TMEM232: variants seen among roughly 807,000 people sequenced by gnomAD.
The protein encoded by TMEM232 is transmembrane protein 232.
TMEM232 carries 80 observed loss-of-function variants against 78.8 expected under a neutral mutation model. The observed-to-expected ratio is 1.01, with a 90% CI of 0.85 to 1.22. The LOEUF (loss-of-function observed/expected upper bound fraction) is 1.22, where lower values mean the gene tolerates loss of function less well. TMEM232 is among the 50% of genes most tolerant of loss of function. The probability of loss-of-function intolerance (pLI) is 0.00; values close to 1 mark genes in which losing one functional copy is unlikely to be tolerated. For synonymous variants in TMEM232, 297 were observed against 254.3 expected, an observed-to-expected ratio of 1.17 and a Z score of -1.60; for missense variants, 881 against 742.2, an observed-to-expected ratio of 1.19 and a Z score of -2.17.
intron 12 of TMEM232, among the ~76,000 whole-genome samples, chr5:110,508,808 T>A (rs549175681): frequency 1.4e-5 from 2 of 147,580 alleles, no homozygotes; most frequent in South Asian, 4.2e-4. Flanking sequence ...GATAAACTGA[T>A]TGAGGAAATA....
At chr5:110,714,850 A>T (rs566142665) in intron 1 of TMEM232, among the ~76,000 whole-genome samples, 1 of 152,312 alleles carries the variant, frequency 6.6e-6, no homozygotes, top group African/African-American at 2.4e-5. Context: ...GAGAAAAAGG[A>T]CTGACCTATA....
rs146007205 is a variant in TMEM232 at position 110,584,489 on chromosome 5, G to A, written c.1277-15864C>T. 3.1e-3 allele frequency among the ~76,000 whole-genome samples: 474 copies of A among 152,152 alleles called. 1 individual carries two copies. Among genetic ancestry groups the A allele is most frequent in the African/African-American group, 0.011 (458 of 41,546 alleles). On this transcript the variant is annotated intron_variant, in intron 10 of 13. Transcript: ENST00000455884. Reference sequence around the variant, plus strand: ...AAAGAATAGAATGGCAGTTACCAGAGGTTGGTGGAGGCAATAAGAGAATTG... The same window carrying A: ...AAAGAATAGAATGGCAGTTACCAGAAGTTGGTGGAGGCAATAAGAGAATTG...
At chr5:110,472,250 G>A (rs1246947244) in intron 12 of TMEM232, among the ~76,000 whole-genome samples, 1 of 151,614 alleles carries the variant, frequency 6.6e-6, no homozygotes, top group East Asian at 1.9e-4. Context: ...ACATGCTAAT[G>A]ATGAACTATC....
intron 2 of TMEM232, among the ~76,000 whole-genome samples, chr5:110,658,490 C>A (rs2150091589): frequency 6.6e-6 from 1 of 152,212 alleles, no homozygotes; most frequent in South Asian, 2.1e-4. Context: ...GGACTGTTGA[C>A]ACCCACTGAA....
chr5:110,523,089 A>G (rs1282030194), intron 12 of TMEM232, among the ~76,000 whole-genome samples: 2 of 152,220 alleles, frequency 1.3e-5, no homozygotes, highest in African/African-American at 2.4e-5. Context: ...CATAGTAGTT[A>G]TAAGTATGTT....
chr5:110,489,105 T>C (rs769552401), intron 12 of TMEM232, among the ~76,000 whole-genome samples: 30 of 152,008 alleles, frequency 2.0e-4, no homozygotes, highest in Non-Finnish European at 3.8e-4. Context: ...AGAATGGCTT[T>C]ATGAGTAAAT....
chr5:110,694,589 AAAATAAAGG>A (rs2150240819), intron 1 of TMEM232, among the ~76,000 whole-genome samples: 1 of 152,312 alleles, frequency 6.6e-6, no homozygotes, highest in East Asian at 1.9e-4. Flanking sequence ...ACATAGGCTC[AAAATAAAGG>A]GATGGAGGAA....
At chr5:110,656,580 C>A (rs181230174) in intron 2 of TMEM232, among the ~76,000 whole-genome samples, 12 of 152,324 alleles carry the variant, frequency 7.9e-5, no homozygotes, top group African/African-American at 2.2e-4. Flanking sequence ...TGGCTCACGC[C>A]TATAATCCCA....
At position 110,684,286 on chromosome 5, in the gene TMEM232, T is replaced by C. The variant is rs572619427; in HGVS notation, c.-12-16922A>G. Among the ~76,000 whole-genome samples the C allele has an allele frequency of 3.3e-5, 5 of 152,150 alleles. No homozygotes were observed. In the South Asian group the frequency reaches 1.0e-3, roughly 32 times the overall value. ...AGAGGGACCATATTTATTTTTTAAA[T>C]ATTTACATTAAAATCTCTGAAGAAT... On this transcript the variant is annotated intron_variant, in intron 1 of 13. Coordinates refer to ENST00000455884, the MANE Select transcript of TMEM232 (RefSeq NM_001039763.4).
chr5:110,430,986 T>C (rs1238119674), intron 12 of TMEM232, among the ~76,000 whole-genome samples: 2 of 151,602 alleles, frequency 1.3e-5, no homozygotes, highest in African/African-American at 4.8e-5. Flanking sequence ...ATTTTATGGA[T>C]TGAAAAGTGA....
intron 3 of TMEM232, among the ~76,000 whole-genome samples, chr5:110,396,531 A>T (rs902428353): frequency 6.6e-6 from 1 of 152,224 alleles, no homozygotes; most frequent in African/African-American, 2.4e-5. Flanking sequence ...GTTTTGGGGC[A>T]TCAAGCTTCT....
At chr5:110,524,757 T>C (rs1340353962) in intron 12 of TMEM232, among the ~76,000 whole-genome samples, 2 of 152,204 alleles carry the variant, frequency 1.3e-5, no homozygotes, top group East Asian at 3.8e-4. Context: ...TGATATCTTC[T>C]ATTATTTTGT....
chr5:110,565,157 G>A (rs1776197357), intron 11 of TMEM232, among the ~76,000 whole-genome samples: 1 of 151,758 alleles, frequency 6.6e-6, no homozygotes, highest in Admixed American at 6.6e-5. Context: ...TCCTCTTATA[G>A]TTCTAACAGC....
intron 5 of TMEM232, among the ~76,000 whole-genome samples, chr5:110,636,163 A>C (rs935737501): frequency 6.6e-6 from 1 of 152,018 alleles, no homozygotes; most frequent in Admixed American, 6.6e-5. Flanking sequence ...TAGGCACAGA[A>C]ATACAAAAAC....
At chr5:110,563,013 C>T (rs1441538416) in intron 11 of TMEM232, among the ~76,000 whole-genome samples, 2 of 151,970 alleles carry the variant, frequency 1.3e-5, no homozygotes, top group African/African-American at 2.4e-5. Flanking sequence ...AAATTAAACA[C>T]ATTTCTTAAA....
intron 12 of TMEM232, among the ~76,000 whole-genome samples, chr5:110,496,822 A>G (rs1217274639): frequency 6.6e-6 from 1 of 152,060 alleles, no homozygotes; most frequent in Non-Finnish European, 1.5e-5. Context: ...TATCTGTTTG[A>G]TCCTAAAGAA....
chr5:110,625,143 T>C, intron 7 of TMEM232, 124 bp downstream of exon 7: 1 of 1,061,724 alleles, frequency 9.4e-7, no homozygotes, highest in African/African-American at 1.6e-5. Flanking sequence ...TGTTCACCCC[T>C]CCTCCACAGC....
chr5:110,654,763 A>G (rs1366165317), intron 2 of TMEM232, among the ~76,000 whole-genome samples: 6 of 152,116 alleles, frequency 3.9e-5, no homozygotes, highest in Non-Finnish European at 5.9e-5. Flanking sequence ...CACGATATTG[A>G]TTCTTCCTAC....
At chr5:110,732,418 CCAAAACTGGGAA>C (rs1222492249) in intron 2 of TMEM232, among the ~76,000 whole-genome samples, 1 of 152,086 alleles carries the variant, frequency 6.6e-6, no homozygotes, top group Non-Finnish European at 1.5e-5. Context: ...AAAGACATAC[CCAAAACTGGGAA>C]CAAAAAGAGG....
Sources: allele counts gnomAD v4.1 joint callset (sites outside exome capture counted in the v4.1 genomes callset), GRCh38; gene constraint gnomAD v4.1.1; transcripts MANE v1.5; gene names NCBI Gene and HGNC (gene_info 2026-07-23, HGNC 2026-07-21).